Variants in RBFOX1 observed in about 807,000 individuals in gnomAD.
The protein encoded by RBFOX1 is RNA binding protein fox-1 homolog 1.
In RBFOX1, 8 loss-of-function variants were observed where a neutral mutation model predicts 57.7. The ratio of observed to expected loss-of-function variants is 0.14; its 90% CI spans 0.08 to 0.25. The LOEUF is 0.25. Among genes scored for constraint, RBFOX1 ranks in the 10% least tolerant of loss-of-function variants. The pLI is 1.00. For synonymous variants in RBFOX1, 326 were observed against 222.4 expected, an observed-to-expected ratio of 1.47 and a Z score of -4.15; for missense variants, 611 against 548.5, an observed-to-expected ratio of 1.11 and a Z score of -1.14.
intron 2 of RBFOX1, among the ~76,000 whole-genome samples, chr16:5,597,031 CAAT>C (rs753841205): frequency 8.5e-5 from 13 of 152,104 alleles, no homozygotes; most frequent in Non-Finnish European, 8.8e-5. Flanking sequence ...AAAAGAGAAA[CAAT>C]AAAATATGTG....
intron 3 of RBFOX1, among the ~76,000 whole-genome samples, chr16:5,833,904 C>G (rs1033127707): frequency 3.9e-5 from 6 of 152,188 alleles, no homozygotes; most frequent in African/African-American, 1.4e-4. Flanking sequence ...TACTCTCCCT[C>G]TCCATACTAG....
At chr16:7,409,421 TG>T (rs2098399853) in intron 4 of RBFOX1, among the ~76,000 whole-genome samples, 1 of 152,224 alleles carries the variant, frequency 6.6e-6, no homozygotes, top group Non-Finnish European at 1.5e-5. Flanking sequence ...TTTTAGTGGT[TG>T]GAGAATGGCA....
chr16:5,621,503 C>T (rs2048200409), intron 3 of RBFOX1, among the ~76,000 whole-genome samples: 1 of 152,104 alleles, frequency 6.6e-6, no homozygotes, highest in Non-Finnish European at 1.5e-5. Flanking sequence ...GACCTATCAA[C>T]CACGGATGAA....
At chr16:5,703,768 T>A (rs2051138833) in intron 3 of RBFOX1, among the ~76,000 whole-genome samples, 1 of 152,188 alleles carries the variant, frequency 6.6e-6, no homozygotes, top group Admixed American at 6.5e-5. Flanking sequence ...TATATGTGCA[T>A]GTGTATTTAT....
At chr16:5,908,070 G>GTGTGTGTGTATGTATA (rs531475482) in intron 4 of RBFOX1, among the ~76,000 whole-genome samples, 1 of 129,056 alleles carries the variant, frequency 7.7e-6, no homozygotes, top group African/African-American at 3.0e-5. Context: ...ATGTGTGTAT[G>GTGTGTGTGTATGTATA]TATATATATA....
intron 2 of RBFOX1, among the ~76,000 whole-genome samples, chr16:5,494,734 A>G (rs1452954041): frequency 2.6e-5 from 4 of 152,214 alleles, no homozygotes; most frequent in Non-Finnish European, 5.9e-5. Context: ...AGCCAACCAG[A>G]TGGTGGTCCA....
At chr16:7,008,366 A>G (rs1596790426) in intron 3 of RBFOX1, among the ~76,000 whole-genome samples, 1 of 151,884 alleles carries the variant, frequency 6.6e-6, no homozygotes, top group Admixed American at 6.6e-5. Context: ...GTATGATGAA[A>G]CCCTGTCTCT....
chr16:5,406,883 G>A (rs1485822586), intron 1 of RBFOX1, among the ~76,000 whole-genome samples: 1 of 152,180 alleles, frequency 6.6e-6, no homozygotes, highest in African/African-American at 2.4e-5. Context: ...TGCAGGTGGA[G>A]TACCTGGTGA....
intron 3 of RBFOX1, among the ~76,000 whole-genome samples, chr16:6,727,523 G>A (rs1423810892): frequency 2.0e-5 from 3 of 151,898 alleles, no homozygotes; most frequent in African/African-American, 4.8e-5. Flanking sequence ...ATTTATTAGC[G>A]TGAGCCAGGA....
rs868702353 is a variant in RBFOX1, at chr16:7,213,123, G to A, written c.27+161025G>A. Among the ~76,000 whole-genome samples the A allele has an allele frequency of 4.6e-5, 7 of 152,246 alleles. No homozygotes were observed. The South Asian group carries it at 1.0e-3, about 23-fold the overall frequency. On this transcript the variant is annotated intron_variant, in intron 4 of 15. Coordinates refer to ENST00000550418, the MANE Select transcript of RBFOX1 (RefSeq NM_018723.4). ...TAGGGGTTGAGAATGGAGGGACATA[G>A]GTTATCCAGACCCTGAAGCCCGAAC...
At chr16:5,996,154 A>G (rs1166690525) in intron 4 of RBFOX1, among the ~76,000 whole-genome samples, 1 of 152,070 alleles carries the variant, frequency 6.6e-6, no homozygotes, top group East Asian at 1.9e-4. Flanking sequence ...CACCATATTA[A>G]TTTTGGGGGC....
intron 11 of RBFOX1, among the ~76,000 whole-genome samples, chr16:7,634,294 A>T (rs187941577): frequency 3.3e-4 from 50 of 152,018 alleles, no homozygotes; most frequent in Non-Finnish European, 5.1e-4. Flanking sequence ...GTTGGATCCT[A>T]TGTGTCTACA....
chr16:6,370,362 GAA>G (rs71145221), intron 2 of RBFOX1, among the ~76,000 whole-genome samples: 16,549 of 81,444 alleles, frequency 0.2, 220 homozygotes, highest in Non-Finnish European at 0.23. Context: ...CGTCTCAAAA[GAA>G]AAAAAAAAAA....
At chr16:7,395,370 C>T (rs1356932650) in intron 4 of RBFOX1, among the ~76,000 whole-genome samples, 1 of 152,208 alleles carries the variant, frequency 6.6e-6, no homozygotes, top group Non-Finnish European at 1.5e-5. Context: ...ACTACTAATT[C>T]CCCTTTTAGT....
chr16:5,967,020 T>G (rs1596314150), intron 4 of RBFOX1, among the ~76,000 whole-genome samples: 1 of 123,782 alleles, frequency 8.1e-6, no homozygotes, highest in Non-Finnish European at 1.7e-5. Context: ...AAATGATAGC[T>G]CAGGTGCCAC....
At chr16:6,095,125 G>T (rs1039077583) in intron 1 of RBFOX1, among the ~76,000 whole-genome samples, 1 of 152,142 alleles carries the variant, frequency 6.6e-6, no homozygotes, top group Admixed American at 6.5e-5. Context: ...CACCTAATAA[G>T]TATGGGCCCA....
intron 4 of RBFOX1, among the ~76,000 whole-genome samples, chr16:7,512,268 G>C (rs895427042): frequency 1.3e-5 from 2 of 152,164 alleles, no homozygotes; most frequent in African/African-American, 4.8e-5. Flanking sequence ...CCTAGGATTT[G>C]CTGTGACCTG....
chr16:6,066,678 G>A (rs568639834), intron 1 of RBFOX1, among the ~76,000 whole-genome samples: 6 of 152,230 alleles, frequency 3.9e-5, no homozygotes, highest in East Asian at 3.9e-4. Flanking sequence ...GAAGTCTCCC[G>A]AAATAGATGA....
Position 7,306,582 on chromosome 16 carries a change from T to TGC in RBFOX1, c.28-211564_28-211563insCG, listed in dbSNP as rs1473085906. On this transcript the variant is annotated intron_variant, in intron 4 of 15. Coordinates refer to ENST00000550418, the MANE Select transcript of RBFOX1 (RefSeq NM_018723.4). Reference sequence around the variant, plus strand: ...TGACATAATGTGGGAATGGTGTGCGTGTGTGTGTGTGTGTGTGTGTGTATT... The same window carrying TGC: ...TGACATAATGTGGGAATGGTGTGCGTGCGTGTGTGTGTGTGTGTGTGTGTATT... Among the ~76,000 whole-genome samples, 9 of 146,938 alleles carry TGC rather than the reference T, an allele frequency of 6.1e-5. No individual in the cohort carries two copies. The East Asian group carries it at 1.4e-3, about 22-fold the overall frequency.
Sources: allele counts gnomAD v4.1 joint callset (sites outside exome capture counted in the v4.1 genomes callset), GRCh38; gene constraint gnomAD v4.1.1; transcripts MANE v1.5; gene names NCBI Gene and HGNC (gene_info 2026-07-23, HGNC 2026-07-21).